FER: variants seen among roughly 807,000 people sequenced by gnomAD.
FER encodes FER tyrosine kinase, also known as tyrosine-protein kinase Fer.
A neutral mutation model predicts 111.0 loss-of-function variants in FER; 63 were observed. The ratio of observed to expected loss-of-function variants is 0.57; its 90% CI spans 0.46 to 0.70. The LOEUF (loss-of-function observed/expected upper bound fraction) is 0.70, where lower values mean the gene tolerates loss of function less well. Ranked by LOEUF, FER falls within the 30% of genes least tolerant of loss-of-function variation. FER has a pLI of 0.00. For missense variants in FER, 914 were observed against 954.0 expected (o/e 0.96, Z 0.55); for synonymous variants, 327 against 313.9 (o/e 1.04, Z -0.44).
At chr5:109,002,044 T>G (rs1764847537) in intron 13 of FER, among the ~76,000 whole-genome samples, 1 of 151,804 alleles carries the variant, frequency 6.6e-6, no homozygotes, top group Non-Finnish European at 1.5e-5. Flanking sequence ...ATGGCCATAC[T>G]GCCCAAGGTA....
chr5:109,045,156 G>C (rs1190198852), intron 15 of FER, among the ~76,000 whole-genome samples: 1 of 151,780 alleles, frequency 6.6e-6, no homozygotes, highest in East Asian at 1.9e-4. Flanking sequence ...AATTACATCT[G>C]TCCTACCCTC....
At chr5:109,094,274 A>G (rs796748130) in intron 16 of FER, among the ~76,000 whole-genome samples, 39 of 152,226 alleles carry the variant, frequency 2.6e-4, no homozygotes, top group African/African-American at 8.4e-4. Context: ...AGACAAAACA[A>G]TCATAAGCAT....
chr5:108,991,639 T>G (rs1763190786), intron 13 of FER, among the ~76,000 whole-genome samples: 1 of 152,134 alleles, frequency 6.6e-6, no homozygotes, highest in Non-Finnish European at 1.5e-5. Context: ...TTTCAATATC[T>G]CCTTCCTTAT....
chr5:108,929,018 T>C (rs1754184416), intron 10 of FER, among the ~76,000 whole-genome samples: 1 of 152,140 alleles, frequency 6.6e-6, no homozygotes, highest in African/African-American at 2.4e-5. Flanking sequence ...TCTGTAGGGA[T>C]ATGAGAACAT....
chr5:108,973,484 C>T (rs1369059539), intron 13 of FER, among the ~76,000 whole-genome samples: 2 of 150,022 alleles, frequency 1.3e-5, no homozygotes, highest in Non-Finnish European at 3.0e-5. Flanking sequence ...AAAAATGAAA[C>T]TTCTTTTTGT....
At chr5:108,891,522 C>T (rs935143524) in intron 9 of FER, 1 of 151,906 alleles carries the variant, frequency 6.6e-6, no homozygotes, top group African/African-American at 2.4e-5. Flanking sequence ...CTCCCATTCT[C>T]ACTACTGCAC....
chr5:109,186,948 A>G (rs1758942023), intron 19 of FER, among the ~76,000 whole-genome samples: 1 of 152,202 alleles, frequency 6.6e-6, no homozygotes, highest in Non-Finnish European at 1.5e-5. Context: ...TTTACACACT[A>G]CCCAATGCAC....
intron 2 of FER, among the ~76,000 whole-genome samples, chr5:108,789,451 C>A (rs1755105658): frequency 6.6e-6 from 1 of 151,808 alleles, no homozygotes; most frequent in Non-Finnish European, 1.5e-5. Context: ...TATTCTAAAT[C>A]ATGATCATTA....
At chr5:108,928,204 G>A (rs1380059306) in intron 10 of FER, among the ~76,000 whole-genome samples, 3 of 152,186 alleles carry the variant, frequency 2.0e-5, no homozygotes, top group Non-Finnish European at 4.4e-5. Context: ...TATGAAGGTA[G>A]AAGAATTCTA....
intron 13 of FER, among the ~76,000 whole-genome samples, chr5:108,980,566 A>G (rs1449246997): frequency 6.6e-6 from 1 of 152,136 alleles, no homozygotes; most frequent in Admixed American, 6.5e-5. Flanking sequence ...GAAATGTGAA[A>G]TTTCATCCTC....
chr5:109,146,253 A>ATCTATATATATATATAT (rs1491409370), intron 17 of FER, among the ~76,000 whole-genome samples: 2 of 42,128 alleles, frequency 4.7e-5, no homozygotes, highest in African/African-American at 1.8e-4. Context: ...TAATCTATCT[A>ATCTATATATATATATAT]ATATATATAT....
chr5:108,890,385 G>T (rs1330732243), intron 9 of FER, among the ~76,000 whole-genome samples: 1 of 152,056 alleles, frequency 6.6e-6, no homozygotes, highest in Admixed American at 6.6e-5. Context: ...CAGTTCTGGA[G>T]GGTGAAAGTA....
At chr5:108,773,640 G>T (rs925326721) in intron 2 of FER, among the ~76,000 whole-genome samples, 1 of 151,982 alleles carries the variant, frequency 6.6e-6, no homozygotes. Context: ...GTTGTGAATA[G>T]TGTGGCAGTG....
chr5:108,898,607 TTTCCTTCCTTCC>T (rs974127712), intron 10 of FER, among the ~76,000 whole-genome samples: 6 of 114,898 alleles, frequency 5.2e-5, no homozygotes, highest in African/African-American at 2.0e-4. Flanking sequence ...TCCCCTCCCC[TTTCCTTCCTTCC>T]TTCCTTCCTT....
chr5:109,137,969 T>C (rs1254788130), intron 17 of FER, among the ~76,000 whole-genome samples: 3 of 152,196 alleles, frequency 2.0e-5, no homozygotes, highest in African/African-American at 7.2e-5. Flanking sequence ...GGGCCTACTC[T>C]CTAGCTCTAG....
intron 13 of FER, among the ~76,000 whole-genome samples, chr5:109,033,630 T>G (rs1769952307): frequency 6.6e-6 from 1 of 152,120 alleles, no homozygotes; most frequent in South Asian, 2.1e-4. Context: ...CTTAGCAGCC[T>G]TCTTAGGAAT....
intron 15 of FER, among the ~76,000 whole-genome samples, chr5:109,045,677 A>G (rs183809725): frequency 2.1e-3 from 324 of 152,350 alleles, no homozygotes; most frequent in African/African-American, 7.3e-3. Context: ...TAATGATTTC[A>G]AAGCAATAGT....
chr5:108,806,514 C>T (rs1757225414), intron 3 of FER, among the ~76,000 whole-genome samples: 1 of 152,250 alleles, frequency 6.6e-6, no homozygotes, highest in South Asian at 2.1e-4. Flanking sequence ...CACTCACCAA[C>T]AGTCTGTGAA....
At chr5:109,171,534 A>G (rs976306054) in intron 17 of FER, among the ~76,000 whole-genome samples, 7 of 152,192 alleles carry the variant, frequency 4.6e-5, no homozygotes, top group African/African-American at 1.7e-4. Context: ...AATGACAGCC[A>G]TTATCATGAC....
Sources: allele counts gnomAD v4.1 joint callset (sites outside exome capture counted in the v4.1 genomes callset), GRCh38; gene constraint gnomAD v4.1.1; transcripts MANE v1.5; gene names NCBI Gene and HGNC (gene_info 2026-07-23, HGNC 2026-07-21).